The following PPP2R5C variants were observed in gnomAD, a reference collection of about 807,000 sequenced individuals.
PPP2R5C encodes protein phosphatase 2 regulatory subunit B'gamma.
Under a neutral mutation model 68.9 loss-of-function variants are expected in PPP2R5C, and 7 were observed. The ratio of observed to expected loss-of-function variants is 0.10; its 90% CI spans 0.06 to 0.19. The LOEUF (loss-of-function observed/expected upper bound fraction) is 0.19, where lower values mean the gene tolerates loss of function less well. Among genes scored for constraint, PPP2R5C ranks in the 10% least tolerant of loss-of-function variants. PPP2R5C has a pLI of 1.00. For missense variants in PPP2R5C, 348 were observed against 641.3 expected, an observed-to-expected ratio of 0.54 and a Z score of 4.94; for synonymous variants, 210 against 222.2, an observed-to-expected ratio of 0.95 and a Z score of 0.49.
chr14:101,810,402 C>T (rs1220298444), intron 1 of PPP2R5C: 2 of 186,474 alleles, frequency 1.1e-5, no homozygotes, highest in Non-Finnish European at 2.2e-5. Context: ...CCAAGTTGTT[C>T]GTACGCAGAG....
At chr14:101,847,952 G>T (rs572120790) in intron 1 of PPP2R5C, among the ~76,000 whole-genome samples, 1 of 151,818 alleles carries the variant, frequency 6.6e-6, no homozygotes. Context: ...CACTGTGCCC[G>T]GCATGAGCCA....
chr14:101,782,110 CCCCCTCCCCCTTCTT>C (rs1178966874), intron 2 of PPP2R5C, among the ~76,000 whole-genome samples: 1 of 77,710 alleles, frequency 1.3e-5, no homozygotes, highest in African/African-American at 5.1e-5. Flanking sequence ...CCTCCCCCCT[CCCCCTCCCCCTTCTT>C]CCCCTCCCCC....
intron 1 of PPP2R5C, among the ~76,000 whole-genome samples, chr14:101,842,764 T>C (rs1031972791): frequency 6.6e-6 from 1 of 150,734 alleles, no homozygotes; most frequent in African/African-American, 2.4e-5. Flanking sequence ...TTTCTTTTTT[T>C]TTTTTTTTTA....
chr14:101,836,310 G>C, intron 1 of PPP2R5C: 1 of 702,658 alleles, frequency 1.4e-6, no homozygotes, highest in Non-Finnish European at 2.6e-6. Context: ...GGAGCTGCCA[G>C]CCTTCTCCCC....
At chr14:101,894,114 G>T (rs748279128) in intron 7 of PPP2R5C, among the ~76,000 whole-genome samples, 7 of 152,178 alleles carry the variant, frequency 4.6e-5, no homozygotes, top group Non-Finnish European at 7.4e-5. Flanking sequence ...TTTGCATCCA[G>T]CCAGATTATC....
At chr14:101,905,213 G>T (rs1387872848) in intron 9 of PPP2R5C, among the ~76,000 whole-genome samples, 1 of 152,174 alleles carries the variant, frequency 6.6e-6, no homozygotes, top group African/African-American at 2.4e-5. Context: ...AATTAGCCAG[G>T]TGCGATGGCG....
intron 7 of PPP2R5C, 65 bp downstream of exon 9, chr14:101,893,173 G>C: frequency 8.7e-7 from 1 of 1,153,170 alleles, no homozygotes; most frequent in Non-Finnish European, 1.3e-6. Context: ...ACACGAGATA[G>C]TGAATCCGGC....
chr14:101,838,223 G>A (rs1471905870), intron 1 of PPP2R5C, among the ~76,000 whole-genome samples: 2 of 152,174 alleles, frequency 1.3e-5, no homozygotes, highest in Admixed American at 6.5e-5. Flanking sequence ...GATGAAGCGG[G>A]GAGAGTAAAG....
At chr14:101,777,938 A>T (rs940244867) in intron 2 of PPP2R5C, among the ~76,000 whole-genome samples, 3 of 149,954 alleles carry the variant, frequency 2.0e-5, no homozygotes, top group Non-Finnish European at 3.0e-5. Flanking sequence ...ATACCTGGCT[A>T]TTTTTTTTTA....
At chr14:101,795,427 G>C (rs890780022) in intron 3 of PPP2R5C, among the ~76,000 whole-genome samples, 72 of 152,096 alleles carry the variant, frequency 4.7e-4, no homozygotes, top group African/African-American at 1.7e-3. Context: ...ATAGCCCTCA[G>C]ACCTGTTCAT....
chr14:101,833,636 A>C (rs1443415159), intron 1 of PPP2R5C: 1 of 152,288 alleles, frequency 6.6e-6, no homozygotes, highest in Non-Finnish European at 1.5e-5. Flanking sequence ...AGGGAGCAGC[A>C]CATGGACCTA....
chr14:101,779,800 G>A (rs759482580), intron 2 of PPP2R5C, among the ~76,000 whole-genome samples: 1 of 152,170 alleles, frequency 6.6e-6, no homozygotes, highest in Non-Finnish European at 1.5e-5. Flanking sequence ...TATGATTGGA[G>A]GCAGCTGTGC....
chr14:101,909,444 C>G, intron 10 of PPP2R5C, 145 bp from the exon 13 acceptor site: 2 of 458,454 alleles, frequency 4.4e-6, no homozygotes, highest in Non-Finnish European at 8.0e-6. Flanking sequence ...AAACAAGTAA[C>G]GCGGAATGAG....
rs2046690243 is a variant in PPP2R5C, at chr14:101,916,700, GCA to G, written c.1327-1130_1327-1129del. 6.6e-6 allele frequency among the ~76,000 whole-genome samples: 1 copy of G among 150,796 alleles called. No homozygotes were observed. The highest frequency in any genetic ancestry group is 1.5e-5 in the Non-Finnish European group (1 of 67,664). ...GCTCTGGGCTGGCAGGGTGTGAGGG[GCA>G]GGGGTGAGGGGGCAGGGGGTGAGAG... On this transcript the variant is annotated intron_variant, in intron 12 of 13. Coordinates refer to ENST00000334743, the Ensembl canonical transcript of PPP2R5C. The surrounding 1 kb of genome is among the most constrained non-coding windows in gnomAD (Gnocchi z 5.5).
intron 2 of PPP2R5C, among the ~76,000 whole-genome samples, chr14:101,878,448 G>A (rs79663141): frequency 0.022 from 3,384 of 152,326 alleles, 47 homozygotes; most frequent in African/African-American, 0.041. Flanking sequence ...GTCACTGTGC[G>A]GGAGAGCTTC....
chr14:101,853,342 A>G (rs1346709323), intron 1 of PPP2R5C, among the ~76,000 whole-genome samples: 1 of 152,210 alleles, frequency 6.6e-6, no homozygotes, highest in Non-Finnish European at 1.5e-5. Flanking sequence ...AATCACAGGC[A>G]TATCTGCTTA....
At chr14:101,924,443 A>ATTTTTTTTTTTTTTTTTT (rs2047175999) in intron 13 of PPP2R5C, among the ~76,000 whole-genome samples, 1 of 56,854 alleles carries the variant, frequency 1.8e-5, no homozygotes, top group Admixed American at 1.6e-4. Context: ...AAATTTCTAC[A>ATTTTTTTTTTTTTTTTTT]TCTTTTTTTT....
chr14:101,836,467 T>C, intron 1 of PPP2R5C: 2 of 662,016 alleles, frequency 3.0e-6, no homozygotes, highest in East Asian at 2.7e-5. Context: ...TGAGTCATTC[T>C]GTTATTTTGG....
intron 1 of PPP2R5C, chr14:101,819,980 C>T (rs1228220251): frequency 1.3e-5 from 2 of 152,168 alleles, no homozygotes; most frequent in African/African-American, 4.8e-5. Flanking sequence ...TTCTAGCATG[C>T]TGGAGTGTGA....
Sources: allele counts gnomAD v4.1 joint callset (sites outside exome capture counted in the v4.1 genomes callset), GRCh38; gene constraint gnomAD v4.1.1; non-coding constraint Gnocchi (gnomAD v3.1); transcripts MANE v1.5; gene names NCBI Gene and HGNC (gene_info 2026-07-23, HGNC 2026-07-21).